MRPL48: variants seen among roughly 807,000 people sequenced by gnomAD.
MRPL48 encodes mitochondrial ribosomal protein L48, also known as large ribosomal subunit protein mL48.
Under a neutral mutation model 32.9 loss-of-function variants are expected in MRPL48, and 16 were observed. That is an observed-to-expected ratio of 0.49 (90% CI 0.33 to 0.74). The LOEUF (loss-of-function observed/expected upper bound fraction) is 0.74. Among genes scored for constraint, MRPL48 ranks in the 30% least tolerant of loss-of-function variants. MRPL48 has a pLI of 0.02. For missense variants in MRPL48, 206 were observed against 245.3 expected (o/e 0.84, Z 1.07); for synonymous variants, 94 against 89.2 (o/e 1.05, Z -0.31).
chr11:73,820,832 C>G (rs746239887), intron 3 of MRPL48, among the ~76,000 whole-genome samples: 25 of 152,148 alleles, frequency 1.6e-4, no homozygotes, highest in Non-Finnish European at 3.1e-4. Flanking sequence ...CACTATCCCC[C>G]CTGGGGGTAA....
chr11:73,856,606 A>G (rs1004396080), intron 5 of MRPL48, among the ~76,000 whole-genome samples: 3 of 152,152 alleles, frequency 2.0e-5, no homozygotes, highest in African/African-American at 7.2e-5. Context: ...GCTAAGAGTA[A>G]AAGCATCACT....
intron 1 of MRPL48, among the ~76,000 whole-genome samples, chr11:73,802,438 A>C (rs189670001): frequency 9.2e-5 from 14 of 151,436 alleles, no homozygotes; most frequent in Admixed American, 2.0e-4. Context: ...ACATCATCCC[A>C]AAAAAAAACT....
chr11:73,820,359 G>C (rs1947755082), intron 3 of MRPL48, among the ~76,000 whole-genome samples: 1 of 152,052 alleles, frequency 6.6e-6, no homozygotes, highest in South Asian at 2.1e-4. Flanking sequence ...TGAGTAGCAG[G>C]GACTACAGGC....
rs200464519 is a variant in MRPL48, at chr11:73,835,900, A to G, written c.202-8907A>G. ...GTGACAGAGTGAGACTCTGTCTCAAAATAATAATAATTTTAAAATGCCATT... is the reference window on the plus strand; with the variant it reads ...GTGACAGAGTGAGACTCTGTCTCAAGATAATAATAATTTTAAAATGCCATT... On this transcript the variant is annotated intron_variant, in intron 4 of 7. Coordinates refer to ENST00000310614, the MANE Select transcript of MRPL48 (RefSeq NM_016055.6). 3.3e-5 allele frequency among the ~76,000 whole-genome samples: 5 copies of G among 152,230 alleles called. No individual in the cohort carries two copies. In the East Asian group the frequency reaches 7.7e-4, roughly 24 times the overall value.
At chr11:73,808,253 A>G (rs1947495808) in intron 2 of MRPL48, 60 bp from the exon 3 acceptor site, 3 of 1,501,280 alleles carry the variant, frequency 2.0e-6, no homozygotes, top group South Asian at 1.2e-5. Flanking sequence ...AATTTTGCAA[A>G]CTATGCAAAT....
chr11:73,859,191 T>A (rs1948538493), intron 5 of MRPL48, among the ~76,000 whole-genome samples: 1 of 152,190 alleles, frequency 6.6e-6, no homozygotes, highest in Non-Finnish European at 1.5e-5. Context: ...TTTTCATGCC[T>A]TATTTCTCCA....
At chr11:73,808,848 G>A (rs550991548) in intron 3 of MRPL48, among the ~76,000 whole-genome samples, 2 of 152,136 alleles carry the variant, frequency 1.3e-5, no homozygotes, top group South Asian at 2.1e-4. Flanking sequence ...GCTTGAGCTC[G>A]GGAGGCGGAG....
intron 5 of MRPL48, among the ~76,000 whole-genome samples, chr11:73,848,411 G>A (rs929671191): frequency 3.3e-5 from 5 of 150,578 alleles, no homozygotes; most frequent in Non-Finnish European, 7.4e-5. Flanking sequence ...AATTATTTTG[G>A]CTATTCTAGG....
At position 73,845,026 on chromosome 11, in the gene MRPL48, C is replaced by T. The variant is rs1380148503; in HGVS notation, c.371+50C>T. On this transcript the variant is annotated intron_variant, in intron 5 of 7. Transcript: ENST00000310614. ...ATGTTCTTGGTGTGGGTAGAATGCT[C>T]TGTTTTTTTGTTAAACTAGGCTTTT... 7.8e-6 allele frequency: 12 copies of T among 1,542,004 alleles called. No individual in the cohort carries two copies. In the African/African-American group the frequency reaches 1.5e-4, roughly 20 times the overall value.
chr11:73,788,097 C>T (rs1947076067), intron 1 of MRPL48, 105 bp downstream of exon 1: 1 of 1,433,098 alleles, frequency 7.0e-7, no homozygotes, highest in Non-Finnish European at 9.3e-7. Flanking sequence ...CGCGGACATC[C>T]GGGGATGAGA....
At chr11:73,826,398 T>C (rs1036355196) in intron 4 of MRPL48, among the ~76,000 whole-genome samples, 7 of 152,198 alleles carry the variant, frequency 4.6e-5, no homozygotes, top group Admixed American at 3.9e-4. Flanking sequence ...ATAATGGAAA[T>C]GATAATTCAG....
At chr11:73,844,679 TG>T in intron 4 of MRPL48, 127 bp from the exon 5 acceptor site, 1 of 1,017,942 alleles carries the variant, frequency 9.8e-7, no homozygotes, top group Non-Finnish European at 1.4e-6. Flanking sequence ...AGTTTGTAGG[TG>T]GGGTAACCTG....
At chr11:73,793,280 G>A (rs934832982) in intron 1 of MRPL48, among the ~76,000 whole-genome samples, 2 of 152,156 alleles carry the variant, frequency 1.3e-5, no homozygotes, top group African/African-American at 2.4e-5. Context: ...GGTCAGGCTG[G>A]TCTTGAACTC....
intron 4 of MRPL48, among the ~76,000 whole-genome samples, chr11:73,840,112 A>C (rs74887006): frequency 2.0e-5 from 3 of 151,464 alleles, no homozygotes; most frequent in Non-Finnish European, 1.5e-5. Context: ...AAAAAAAAAA[A>C]ACTCAGTTTT....
rs1440432713 is a variant in MRPL48 at position 73,864,315 on chromosome 11, A to G, written c.584A>G (p.Lys195Arg). The G allele has an allele frequency of 1.2e-6, 2 of 1,613,884 alleles. No individual in the cohort carries two copies. The highest frequency in any genetic ancestry group is 1.7e-6 in the Non-Finnish European group (2 of 1,179,854). Residue 195 changes from lysine (K) to arginine (R), a missense_variant, in exon 8 of 8, where the codon AAG (lysine) becomes AGG (arginine). Lys to Arg is a conservative substitution (Grantham distance 26, BLOSUM62 2). Transcript: ENST00000310614. ...CCTTAGCACACTGAAGAAGACTTCA[A>G]GGGACGATTCAAAGCTCGACCAGAA... ...SVKEHTEEDF[K>R]GRFKARPELE...
intron 3 of MRPL48, among the ~76,000 whole-genome samples, chr11:73,815,362 C>T (rs1283724714): frequency 2.0e-5 from 3 of 151,990 alleles, no homozygotes; most frequent in Admixed American, 6.5e-5. Flanking sequence ...TGCGGTGAGC[C>T]GAGACCACGC....
At chr11:73,803,800 G>T (rs1947398636) in intron 1 of MRPL48, among the ~76,000 whole-genome samples, 1 of 152,110 alleles carries the variant, frequency 6.6e-6, no homozygotes, top group South Asian at 2.1e-4. Flanking sequence ...GAAGACTGAA[G>T]CAAGGGAATT....
At chr11:73,831,422 C>T (rs1565099881) in intron 4 of MRPL48, among the ~76,000 whole-genome samples, 1 of 152,182 alleles carries the variant, frequency 6.6e-6, no homozygotes, top group Non-Finnish European at 1.5e-5. Context: ...TGCCTTTGCA[C>T]ATGCTCTTTC....
At chr11:73,832,005 C>T (rs1360078668) in intron 4 of MRPL48, among the ~76,000 whole-genome samples, 1 of 148,988 alleles carries the variant, frequency 6.7e-6, no homozygotes, top group Non-Finnish European at 1.5e-5. Flanking sequence ...AGCACTGGGT[C>T]ATTTTTCCCA....
Sources: allele counts gnomAD v4.1 joint callset (sites outside exome capture counted in the v4.1 genomes callset), GRCh38; gene constraint gnomAD v4.1.1; transcripts MANE v1.5; gene names NCBI Gene and HGNC (gene_info 2026-07-23, HGNC 2026-07-21).